AUTS2: variants seen among roughly 807,000 people sequenced by gnomAD.
AUTS2 encodes autism susceptibility gene 2 protein.
A neutral mutation model predicts 112.4 loss-of-function variants in AUTS2; 17 were observed. The ratio of observed to expected loss-of-function variants is 0.15; its 90% CI spans 0.10 to 0.23. The LOEUF is 0.23. AUTS2 is among the 10% of genes least tolerant of loss of function. The probability of loss-of-function intolerance (pLI) is 1.00; values close to 1 mark genes in which losing one functional copy is unlikely to be tolerated. For missense variants in AUTS2, 1,510 were observed against 1,701.6 expected (o/e 0.89, Z 1.98); for synonymous variants, 751 against 702.7 (o/e 1.07, Z -1.09).
At chr7:69,604,755 C>G (rs1039123822) in intron 1 of AUTS2, among the ~76,000 whole-genome samples, 1 of 152,224 alleles carries the variant, frequency 6.6e-6, no homozygotes, top group African/African-American at 2.4e-5. Context: ...GGCAGGAGAC[C>G]TGTGGAGACC....
chr7:70,608,293 T>TG (rs1803889261), intron 5 of AUTS2, among the ~76,000 whole-genome samples: 1 of 152,018 alleles, frequency 6.6e-6, no homozygotes, highest in Non-Finnish European at 1.5e-5. Flanking sequence ...TTTGTATAGA[T>TG]GGGGTCTCAC....
At chr7:70,171,958 G>T (rs560740377) in intron 4 of AUTS2, among the ~76,000 whole-genome samples, 1 of 151,800 alleles carries the variant, frequency 6.6e-6, no homozygotes, top group East Asian at 1.9e-4. Context: ...TTTTTAAGAC[G>T]AAGGACTACA....
intron 2 of AUTS2, among the ~76,000 whole-genome samples, chr7:69,993,867 A>G (rs1798839641): frequency 6.6e-6 from 1 of 152,140 alleles, no homozygotes; most frequent in African/African-American, 2.4e-5. Context: ...TGCAGAATAA[A>G]GTAGTAGTAG....
intron 1 of AUTS2, among the ~76,000 whole-genome samples, chr7:69,874,240 A>G (rs965011999): frequency 1.3e-5 from 2 of 152,024 alleles, no homozygotes; most frequent in Non-Finnish European, 2.9e-5. Context: ...AAAAAAGAAC[A>G]AGAGACGTGA....
intron 4 of AUTS2, among the ~76,000 whole-genome samples, chr7:70,266,888 G>A (rs1389533473): frequency 6.6e-6 from 1 of 152,180 alleles, no homozygotes; most frequent in Non-Finnish European, 1.5e-5. Context: ...AAACAAATCT[G>A]CACTTCCATG....
At chr7:70,675,346 A>T (rs1465278784) in intron 5 of AUTS2, among the ~76,000 whole-genome samples, 1 of 152,102 alleles carries the variant, frequency 6.6e-6, no homozygotes, top group African/African-American at 2.4e-5. Context: ...TATAAAAATT[A>T]GCCAGGTGTG....
intron 2 of AUTS2, among the ~76,000 whole-genome samples, chr7:69,992,320 C>T (rs1458924072): frequency 1.3e-5 from 2 of 152,196 alleles, no homozygotes. Flanking sequence ...AGCCTTGTTC[C>T]TTCCAAAATA....
At chr7:70,143,915 T>C (rs1162293938) in intron 4 of AUTS2, among the ~76,000 whole-genome samples, 1 of 152,190 alleles carries the variant, frequency 6.6e-6, no homozygotes, top group Non-Finnish European at 1.5e-5. Context: ...GTTCCTAGAA[T>C]ACTCCTAATA....
intron 2 of AUTS2, among the ~76,000 whole-genome samples, chr7:70,049,502 G>A (rs1390155899): frequency 6.6e-6 from 1 of 151,874 alleles, no homozygotes; most frequent in Non-Finnish European, 1.5e-5. Flanking sequence ...GCTAATTTTT[G>A]TGTTTTTAGT....
intron 5 of AUTS2, among the ~76,000 whole-genome samples, chr7:70,589,750 A>G (rs1300790823): frequency 6.6e-6 from 1 of 152,152 alleles, no homozygotes; most frequent in Non-Finnish European, 1.5e-5. Context: ...TCGTGGGGAT[A>G]TGACTGATAG....
intron 6 of AUTS2, among the ~76,000 whole-genome samples, chr7:70,749,765 G>A (rs1288319327): frequency 6.6e-6 from 1 of 152,206 alleles, no homozygotes. Flanking sequence ...AAACAGGCAT[G>A]TCTGAATGCT....
At chr7:70,313,782 T>G (rs1223368333) in intron 4 of AUTS2, among the ~76,000 whole-genome samples, 1 of 152,150 alleles carries the variant, frequency 6.6e-6, no homozygotes, top group East Asian at 1.9e-4. Flanking sequence ...TGCAAAGAAT[T>G]TCTACCAGCC....
chr7:70,341,485 C>T (rs1791262762), intron 4 of AUTS2, among the ~76,000 whole-genome samples: 1 of 152,120 alleles, frequency 6.6e-6, no homozygotes, highest in African/African-American at 2.4e-5. Flanking sequence ...GTTTAATGCC[C>T]AGGCTGACTG....
At chr7:70,720,502 A>G (rs1292512362) in intron 6 of AUTS2, among the ~76,000 whole-genome samples, 2 of 152,130 alleles carry the variant, frequency 1.3e-5, no homozygotes, top group Non-Finnish European at 2.9e-5. Flanking sequence ...TCATGTTCCT[A>G]CAAAGTGTTA....
chr7:69,756,118 G>A (rs950258500), intron 1 of AUTS2, among the ~76,000 whole-genome samples: 2 of 152,210 alleles, frequency 1.3e-5, no homozygotes, highest in African/African-American at 4.8e-5. Context: ...CTGTACCATT[G>A]CAACCCTGTG....
intron 4 of AUTS2, among the ~76,000 whole-genome samples, chr7:70,339,561 G>A (rs192771921): frequency 3.3e-5 from 5 of 152,258 alleles, no homozygotes; most frequent in East Asian, 1.9e-4. Context: ...CTAGTCTAGC[G>A]TACCTGTTTA....
chr7:69,811,833 C>G (rs1790557682), intron 1 of AUTS2, among the ~76,000 whole-genome samples: 2 of 152,152 alleles, frequency 1.3e-5, no homozygotes, highest in Non-Finnish European at 2.9e-5. Context: ...TGTGTTTTCC[C>G]TCTGGATTCG....
At chr7:70,562,460 A>G (rs1358030227) in intron 5 of AUTS2, among the ~76,000 whole-genome samples, 1 of 152,238 alleles carries the variant, frequency 6.6e-6, no homozygotes, top group Non-Finnish European at 1.5e-5. Context: ...ATAGTAGCTT[A>G]TGTCAGGGTC....
chr7:70,684,643 G>GT (rs1242386409), intron 5 of AUTS2, among the ~76,000 whole-genome samples: 51 of 149,546 alleles, frequency 3.4e-4, no homozygotes, highest in African/African-American at 1.2e-3. Context: ...TATGGTGTGG[G>GT]GTGGTGTGGC....
Sources: allele counts gnomAD v4.1 joint callset (sites outside exome capture counted in the v4.1 genomes callset), GRCh38; gene constraint gnomAD v4.1.1; transcripts MANE v1.5; gene names NCBI Gene and HGNC (gene_info 2026-07-23, HGNC 2026-07-21).